MCF2L: variants seen among roughly 807,000 people sequenced by gnomAD.
The protein encoded by MCF2L is guanine nucleotide exchange factor DBS.
In MCF2L, 97 loss-of-function variants were observed where a neutral mutation model predicts 153.4. The ratio of observed to expected loss-of-function variants is 0.63; its 90% CI spans 0.54 to 0.75. The LOEUF is 0.75. MCF2L is among the 30% of genes least tolerant of loss of function. MCF2L has a pLI of 0.00. For missense variants in MCF2L, 1,347 were observed against 1,495.2 expected, an observed-to-expected ratio of 0.90 and a Z score of 1.64; for synonymous variants, 659 against 632.2, an observed-to-expected ratio of 1.04 and a Z score of -0.64.
intron 1 of MCF2L, chr13:112,979,519 T>C: frequency 6.7e-7 from 1 of 1,484,724 alleles, no homozygotes. Flanking sequence ...CACCTGTCTC[T>C]TGTGACCATG....
At chr13:112,924,422 C>A (rs1341035509) in intron 2 of MCF2L, among the ~76,000 whole-genome samples, 1 of 152,072 alleles carries the variant, frequency 6.6e-6, no homozygotes, top group Non-Finnish European at 1.5e-5. Context: ...AAATTTTATA[C>A]CCTGCTGCTT....
At chr13:113,040,436 G>GTGTGTGTGTGTGTGTGTGTGTTTT (rs147478810) in intron 3 of MCF2L, 2 of 152,966 alleles carry the variant, frequency 1.3e-5, no homozygotes, top group African/African-American at 5.0e-5. Flanking sequence ...GTGTGTGTGT[G>GTGTGTGTGTGTGTGTGTGTGTTTT]TTTCTTTTCC....
chr13:113,049,371 G>A (rs996435751), intron 4 of MCF2L, among the ~76,000 whole-genome samples: 4 of 152,122 alleles, frequency 2.6e-5, no homozygotes, highest in African/African-American at 9.7e-5. Context: ...TGGCGGGGAG[G>A]CCCCAGGCTC....
chr13:113,090,912 C>T (rs1348387449), intron 26 of MCF2L: 5 of 1,185,308 alleles, frequency 4.2e-6, no homozygotes, highest in Non-Finnish European at 5.3e-6. Flanking sequence ...GCCGCAGCCC[C>T]CACTCCCATG....
At position 113,086,229 on chromosome 13, in the gene MCF2L, A is replaced by G. The variant is rs755883591; in HGVS notation, c.2353A>G (p.Ile785Val). ...GGCCGTGAACGACTCCATGCACCTC[A>G]TCGCTATCACCGGCTATGACGTAAG... ...LKAVNDSMHL[I>V]AITGYDGNLG... The change falls in exon 21 of 30, where the codon ATC becomes GTC. Residue 785 changes from isoleucine (I) to valine (V), a missense_variant. Around this residue, in one of 3 missense-constraint regions of MCF2L, gnomAD observed 144 missense variants for 238.7 expected, o/e 0.60. Coordinates refer to ENST00000535094, the MANE Select transcript of MCF2L (RefSeq NM_001112732.3). 2.5e-6 allele frequency: 4 copies of G among 1,609,764 alleles called. No individual in the cohort carries two copies. The highest frequency in any genetic ancestry group is 1.3e-5 in the African/African-American group (1 of 74,780).
At chr13:112,918,188 G>C (rs145475084) in intron 2 of MCF2L, among the ~76,000 whole-genome samples, 16 of 152,216 alleles carry the variant, frequency 1.1e-4, no homozygotes, top group Non-Finnish European at 1.9e-4. Flanking sequence ...AGGCATCTGC[G>C]CGGGAGGAAC....
rs997359922 is a variant in MCF2L, at chr13:112,936,289, A to G, written c.169+33918A>G. 2.9e-3 allele frequency among the ~76,000 whole-genome samples: 444 copies of G among 150,974 alleles called. 1 individual carries two copies. The highest frequency in any genetic ancestry group is 0.01 in the African/African-American group (426 of 41,234). On this transcript the variant is annotated intron_variant, in intron 2 of 29. Transcript: ENST00000375608. ...AGTGAGACTCTGTCTCAAAAAAAAA[A>G]AAAAAAAAAAAAAAGACCCAGTCCT...
intron 3 of MCF2L, among the ~76,000 whole-genome samples, chr13:113,038,026 T>A (rs1487822234): frequency 6.6e-6 from 1 of 152,180 alleles, no homozygotes; most frequent in Non-Finnish European, 1.5e-5. Context: ...TTTAGTATTT[T>A]TATATATATC....
At chr13:112,920,993 T>C (rs3011494) in intron 2 of MCF2L, among the ~76,000 whole-genome samples, 12,403 of 148,398 alleles carry the variant, frequency 0.084, 647 homozygotes, top group African/African-American at 0.14. Flanking sequence ...TGGTGAAACC[T>C]CATCTCTACT....
chr13:113,042,609 G>C (rs1214804387), intron 3 of MCF2L: 1 of 152,248 alleles, frequency 6.6e-6, no homozygotes, highest in Non-Finnish European at 1.5e-5. Context: ...GCACTGCCGG[G>C]TGTGAGGCAG....
chr13:113,081,575 A>G (rs897665736), intron 16 of MCF2L, among the ~76,000 whole-genome samples: 1 of 152,262 alleles, frequency 6.6e-6, no homozygotes, highest in African/African-American at 2.4e-5. Context: ...CACAGGCCAC[A>G]GGGTGCCTGC....
intron 3 of MCF2L, among the ~76,000 whole-genome samples, chr13:113,030,426 G>A (rs1239554684): frequency 6.7e-6 from 1 of 149,494 alleles, no homozygotes; most frequent in East Asian, 2.0e-4. Flanking sequence ...GGTGTCCGCC[G>A]ACGCCCGGTG....
At chr13:112,902,374 A>G (rs1309667019) in intron 2 of MCF2L, 5 of 1,611,534 alleles carry the variant, frequency 3.1e-6, no homozygotes, top group Non-Finnish European at 4.2e-6. Context: ...GGCCACAGGT[A>G]GGCGCCTGGT....
chr13:113,090,630 A>G, intron 26 of MCF2L: 1 of 985,460 alleles, frequency 1.0e-6, no homozygotes, highest in Non-Finnish European at 1.2e-6. Context: ...CGAGAGCTCC[A>G]TGATGGGAAA....
intron 1 of MCF2L, among the ~76,000 whole-genome samples, chr13:112,984,820 G>T (rs972417141): frequency 2.0e-5 from 3 of 152,126 alleles, no homozygotes; most frequent in Non-Finnish European, 4.4e-5. Context: ...TCAGGATGCA[G>T]GTCCCGGTGT....
At position 113,014,723 on chromosome 13, in the gene MCF2L, T is replaced by G. The variant is rs1352598178; in HGVS notation, c.80-40T>G. On this transcript the variant is annotated intron_variant, in intron 1 of 29. Coordinates refer to ENST00000535094, the MANE Select transcript of MCF2L (RefSeq NM_001112732.3). Reference sequence around the variant, plus strand: ...GTGGGCGCTTGCAGGGTGAGGCAGCTTCCTGGGACTGACACGTGCCGTCTG... The same window carrying G: ...GTGGGCGCTTGCAGGGTGAGGCAGCGTCCTGGGACTGACACGTGCCGTCTG... The G allele has an allele frequency of 2.5e-6, 4 of 1,581,206 alleles. No homozygotes were observed. The East Asian group carries it at 6.7e-5, about 27-fold the overall frequency.
chr13:113,095,295 G>A (rs900867682), intron 27 of MCF2L: 1 of 1,177,512 alleles, frequency 8.5e-7, no homozygotes, highest in Non-Finnish European at 1.1e-6. Context: ...GGTCCCGGAG[G>A]CTCTGGAAGG....
At chr13:112,924,049 G>A (rs1300254564) in intron 2 of MCF2L, among the ~76,000 whole-genome samples, 2 of 152,092 alleles carry the variant, frequency 1.3e-5, no homozygotes, top group African/African-American at 4.8e-5. Context: ...TACGAGACCG[G>A]TTTATCCCGT....
In MCF2L at chr13:113,093,395, G is replaced by A. The variant is rs113775038; in HGVS notation, c.2954-1119G>A. 7.6e-3 allele frequency among the ~76,000 whole-genome samples: 1,160 copies of A among 152,404 alleles called. 10 individuals are homozygous for A. The highest frequency in any genetic ancestry group is 0.027 in the African/African-American group (1,112 of 41,606). On this transcript the variant is annotated intron_variant, in intron 26 of 29. Transcript: ENST00000535094. ...GGTGGAAGGAGCAGCCCCGTGCTCTGCTGGCTGACAGTGGTGCCCAGGCCC... is the reference window on the plus strand; with the variant it reads ...GGTGGAAGGAGCAGCCCCGTGCTCTACTGGCTGACAGTGGTGCCCAGGCCC...
Sources: gnomAD v4.1 joint callset for allele counts (sites outside exome capture counted in the v4.1 genomes callset) on GRCh38, gnomAD v4.1.1 for gene constraint, gnomAD v4.1.1 regional missense constraint, MANE v1.5 for transcripts, NCBI Gene and HGNC (gene_info 2026-07-23, HGNC 2026-07-21) for gene names.